The following ALDH4A1 variants were observed in gnomAD, a reference collection of about 807,000 sequenced individuals.
ALDH4A1 encodes the protein delta-1-pyrroline-5-carboxylate dehydrogenase, mitochondrial.
A neutral mutation model predicts 70.5 loss-of-function variants in ALDH4A1; 46 were observed. The observed-to-expected ratio is 0.65, with a 90% CI of 0.51 to 0.83. ALDH4A1 has a LOEUF of 0.83. Among genes scored for constraint, ALDH4A1 ranks in the 40% least tolerant of loss-of-function variants. The pLI, the probability that ALDH4A1 is intolerant of heterozygous loss-of-function variation, is 0.00. For synonymous variants in ALDH4A1, 323 were observed against 324.3 expected (o/e 1.00, Z 0.04); for missense variants, 749 against 766.5 (o/e 0.98, Z 0.27).
At chr1:18,889,501 C>T (rs1182465973) in intron 2 of ALDH4A1, 47 bp from the exon 3 acceptor site, 2 of 1,499,572 alleles carry the variant, frequency 1.3e-6, no homozygotes, top group Admixed American at 2.0e-5. Context: ...TTCCTCGCTT[C>T]CTCCCATCTA....
chr1:18,875,826 CAG>C (rs1386001518), intron 12 of ALDH4A1, among the ~76,000 whole-genome samples: 46 of 152,346 alleles, frequency 3.0e-4, no homozygotes, highest in African/African-American at 5.5e-4. Context: ...GAGAGTTGCC[CAG>C]AGATACCATT....
chr1:18,885,340 T>C, intron 5 of ALDH4A1, 133 bp downstream of exon 5: 3 of 872,822 alleles, frequency 3.4e-6, no homozygotes, highest in Non-Finnish European at 3.6e-6. Flanking sequence ...GCCTTGTCCC[T>C]TGAGGACATC....
Position 18,898,578 on chromosome 1 carries a change from A to C in ALDH4A1, c.62+3884T>G, listed in dbSNP as rs1935698429. ...GAGCATTTCAGGTGCTGGGCACTCCAAAGTGCTTTCCATGTATGAGACCAT... is the reference window on the plus strand; with the variant it reads ...GAGCATTTCAGGTGCTGGGCACTCCCAAGTGCTTTCCATGTATGAGACCAT... On this transcript the variant is annotated intron_variant, in intron 1 of 14. Transcript: ENST00000375341. The surrounding 1 kb of genome is among the most constrained non-coding windows in gnomAD (Gnocchi z 4.3). Among the ~76,000 whole-genome samples, 1 of 152,206 alleles carries C rather than the reference A, an allele frequency of 6.6e-6. No individual in the cohort carries two copies. The highest frequency in any genetic ancestry group is 1.5e-5 in the Non-Finnish European group (1 of 68,040).
chr1:18,902,524 C>T lies in ALDH4A1; in HGVS notation c.-1G>A. ...GGAGCGCGGGCGCCGGCAGCAGCATCTCGGGTTAGAAGCGGGGCTGTTCGC... is the reference window on the plus strand; with the variant it reads ...GGAGCGCGGGCGCCGGCAGCAGCATTTCGGGTTAGAAGCGGGGCTGTTCGC... On this transcript the variant is annotated 5_prime_UTR_variant, in exon 1 of 15. Coordinates refer to ENST00000375341, the MANE Select transcript of ALDH4A1 (RefSeq NM_003748.4). 3 of 1,486,464 alleles carry T rather than the reference C, an allele frequency of 2.0e-6. No homozygotes were observed. Among genetic ancestry groups the T allele is most frequent in the Non-Finnish European group, 2.7e-6 (3 of 1,119,288 alleles). 92.1% of individuals were successfully genotyped at this position (1,486,464 alleles called of 1,614,324 possible). A position where few individuals can be genotyped will look rare whatever the true frequency, so the allele number is the denominator to read the frequency against.
intron 1 of ALDH4A1, chr1:18,900,750 C>T: frequency 6.0e-6 from 4 of 671,600 alleles, no homozygotes; most frequent in Non-Finnish European, 7.4e-6. Flanking sequence ...TCTCTTTCCC[C>T]TCTCAATTCA....
chr1:18,890,964 T>A, intron 1 of ALDH4A1: 1 of 926,834 alleles, frequency 1.1e-6, no homozygotes, highest in Admixed American at 6.2e-5. Context: ...TGCCCTGAGC[T>A]CAGCTCACAG....
chr1:18,889,932 G>C (rs917151338), intron 2 of ALDH4A1, 80 bp downstream of exon 2: 2 of 1,221,898 alleles, frequency 1.6e-6, no homozygotes, highest in Non-Finnish European at 2.3e-6. Flanking sequence ...CTGCAGGCAC[G>C]GGGCGCTATC....
intron 14 of ALDH4A1, 54 bp from the exon 15 acceptor site, chr1:18,873,011 A>G: frequency 1.4e-6 from 2 of 1,450,146 alleles, no homozygotes; most frequent in East Asian, 2.3e-5. Context: ...GCCTGGGCAG[A>G]AGGGGAAGGG....
rs1156594126 is a variant in ALDH4A1 at position 18,875,494 on chromosome 1, C to G, written c.1348G>C (p.Gly450Arg). ...QEPIMKEEIF[G>R]PVLSVYVYPD... ...TAGACGTACACAGACAGTACAGGCC[C>G]GAAGATCTCCTAGGAGAGAGGCCCC... Residue 450 changes from glycine to arginine, a missense_variant, in exon 13 of 15, where the codon GGG becomes CGG. Gly to Arg is a moderately radical substitution (Grantham distance 125). Coordinates refer to ENST00000375341, the MANE Select transcript of ALDH4A1 (RefSeq NM_003748.4). 6.2e-7 allele frequency: 1 copy of G among 1,614,050 alleles called. No homozygotes were observed. Among genetic ancestry groups the G allele is most frequent in the Non-Finnish European group, 8.5e-7 (1 of 1,179,980 alleles).
rs186916015 is a variant in ALDH4A1 at position 18,887,594 on chromosome 1, G to A, written c.250-1083C>T. On this transcript the variant is annotated intron_variant, in intron 3 of 14. Transcript: ENST00000375341. The stretch of plus-strand genomic sequence containing the variant: ...AGCCTGGGCGACAGAGCGAGACTCC[G>A]TCTCAGAAAAAAAAAAACCATCCCT... Among the ~76,000 whole-genome samples the A allele has an allele frequency of 6.3e-3, 949 of 151,364 alleles. 10 individuals are homozygous for A. The highest frequency in any genetic ancestry group is 8.1e-3 in the Non-Finnish European group (549 of 67,902).
At chr1:18,902,411 C>A in intron 1 of ALDH4A1, 51 bp downstream of exon 1, 1 of 1,295,548 alleles carries the variant, frequency 7.7e-7, no homozygotes. Context: ...CTCTCAGGCT[C>A]CCGGGCCCCA....
At chr1:18,886,552 G>C (rs1205013308) in intron 3 of ALDH4A1, 41 bp from the exon 4 acceptor site, 19 of 1,606,680 alleles carry the variant, frequency 1.2e-5, no homozygotes, top group Non-Finnish European at 1.4e-5. Context: ...CGGGAGGGAG[G>C]TGCCAGGATA....
chr1:18,885,751 G>A, intron 4 of ALDH4A1, 123 bp from the exon 5 acceptor site: 1 of 1,380,676 alleles, frequency 7.2e-7, no homozygotes, highest in Non-Finnish European at 9.9e-7. Context: ...CTGTCTCCCT[G>A]GGCCCTCAGC....
intron 3 of ALDH4A1, among the ~76,000 whole-genome samples, chr1:18,888,547 C>T (rs533459675): frequency 1.1e-4 from 16 of 152,262 alleles, no homozygotes; most frequent in Non-Finnish European, 1.9e-4. Context: ...TCCCAGCTGC[C>T]ATGCAGCCTC....
chr1:18,900,652 A>G (rs1354000810), intron 1 of ALDH4A1, among the ~76,000 whole-genome samples: 2 of 152,212 alleles, frequency 1.3e-5, no homozygotes, highest in African/African-American at 2.4e-5. Context: ...AATAGTGGTG[A>G]GGTTGAGAAA....
chr1:18,900,529 G>A (rs1935765248), intron 1 of ALDH4A1, among the ~76,000 whole-genome samples: 1 of 152,110 alleles, frequency 6.6e-6, no homozygotes, highest in Admixed American at 6.5e-5. Context: ...TTTCGTAATT[G>A]TCAGGGCCGG....
In ALDH4A1 at chr1:18,872,240, AAC is replaced by A. The variant is rs1934470743; in HGVS notation, c.*603_*604del. The A allele has an allele frequency of 6.6e-6, 1 of 152,560 alleles. No homozygotes were observed. The allele number at this position is 152,560 out of a possible 1,614,324, so 9.5% of individuals were successfully genotyped here. A position where few individuals can be genotyped will look rare whatever the true frequency, so the allele number is the denominator to read the frequency against. On this transcript the variant is annotated 3_prime_UTR_variant, in exon 15 of 15. Coordinates refer to ENST00000375341, the MANE Select transcript of ALDH4A1 (RefSeq NM_003748.4). The stretch of plus-strand genomic sequence containing the variant: ...CCGGGAATCACACAGGCCTCGGCCA[AAC>A]ACAGGCACCTGGAGTAAGGCATGCC...
At chr1:18,897,388 C>T (rs376335900) in intron 1 of ALDH4A1, among the ~76,000 whole-genome samples, 3 of 152,274 alleles carry the variant, frequency 2.0e-5, no homozygotes, top group African/African-American at 7.2e-5. Flanking sequence ...ACTAAAAGTA[C>T]AAAAATTAGC....
chr1:18,875,022 C>G (rs1934612141), intron 13 of ALDH4A1, among the ~76,000 whole-genome samples: 1 of 152,264 alleles, frequency 6.6e-6, no homozygotes, highest in Admixed American at 6.5e-5. Flanking sequence ...AGGTTCGAAT[C>G]CTGCCTCTGC....
Sources: allele counts gnomAD v4.1 joint callset (sites outside exome capture counted in the v4.1 genomes callset), GRCh38; gene constraint gnomAD v4.1.1; non-coding constraint Gnocchi (gnomAD v3.1); transcripts MANE v1.5; gene names NCBI Gene and HGNC (gene_info 2026-07-23, HGNC 2026-07-21).